VPS13B: variants seen among roughly 807,000 people sequenced by gnomAD.
VPS13B encodes intermembrane lipid transfer protein VPS13B.
VPS13B carries 285 observed loss-of-function variants against 426.4 expected under a neutral mutation model. The ratio of observed to expected loss-of-function variants is 0.67; its 90% CI spans 0.61 to 0.74. The LOEUF is 0.74. VPS13B is among the 30% of genes least tolerant of loss of function. The probability of loss-of-function intolerance (pLI) is 0.00; values close to 1 mark genes in which losing one functional copy is unlikely to be tolerated. For missense variants in VPS13B, 4,537 were observed against 4,782.6 expected (o/e 0.95, Z 1.51); for synonymous variants, 1,676 against 1,676.4 (o/e 1.00, Z 0.01).
chr8:99,705,197 A>G (rs760800734), intron 36 of VPS13B, among the ~76,000 whole-genome samples: 2 of 152,116 alleles, frequency 1.3e-5, no homozygotes, highest in Non-Finnish European at 2.9e-5. Flanking sequence ...TGACTATGAT[A>G]TATCTCTGTA....
chr8:99,854,235 G>A lies in VPS13B; in HGVS notation c.10846G>A (p.Ala3616Thr), dbSNP rs149659649. The A allele has an allele frequency of 4.8e-5, 77 of 1,613,780 alleles. No homozygotes were observed. The highest frequency in any genetic ancestry group is 9.9e-5 in the South Asian group (9 of 91,032). Residue 3616 changes from alanine (A) to threonine (T), a missense_variant, in exon 56 of 62, where the codon GCT becomes ACT. Around this residue, in one of 2 missense-constraint regions of VPS13B, gnomAD observed 4,311 missense variants for 4,474.3 expected, o/e 0.96. Transcript: ENST00000357162. ...LVHALAMHYA[A>T]GALFRAGWVV... ...GCACGCCCTGGCAATGCACTATGCC[G>A]CTGGGGCCCTTTTTAGAGCAGGTAA...
intron 30 of VPS13B, chr8:99,536,690 C>T (rs780547059): frequency 1.9e-6 from 1 of 534,422 alleles, no homozygotes; most frequent in Non-Finnish European, 3.8e-6. Context: ...AATCCCTGTC[C>T]CATGTCAGCT....
chr8:99,057,465 C>T (rs574981446), intron 3 of VPS13B, among the ~76,000 whole-genome samples: 1 of 152,086 alleles, frequency 6.6e-6, no homozygotes, highest in African/African-American at 2.4e-5. Context: ...GTCTCTGGCT[C>T]CTGTTGTTAC....
intron 31 of VPS13B, among the ~76,000 whole-genome samples, chr8:99,574,138 G>T (rs1419942706): frequency 3.9e-5 from 6 of 152,076 alleles, no homozygotes; most frequent in Admixed American, 3.9e-4. Context: ...TGTGATTTTT[G>T]CACATTGATT....
At chr8:99,364,324 A>G (rs1220868660) in intron 19 of VPS13B, among the ~76,000 whole-genome samples, 1 of 152,170 alleles carries the variant, frequency 6.6e-6, no homozygotes, top group Non-Finnish European at 1.5e-5. Flanking sequence ...CTTGGTCATG[A>G]TGAATGTTTT....
intron 29 of VPS13B, among the ~76,000 whole-genome samples, chr8:99,513,000 C>T (rs1227070688): frequency 1.4e-5 from 2 of 144,912 alleles, no homozygotes; most frequent in Admixed American, 7.0e-5. Context: ...CAGAGCAAGA[C>T]GCCATCTCAA....
At chr8:99,458,528 C>G (rs1485965996) in intron 23 of VPS13B, among the ~76,000 whole-genome samples, 1 of 152,016 alleles carries the variant, frequency 6.6e-6, no homozygotes, top group Non-Finnish European at 1.5e-5. Flanking sequence ...AGTTTACAGT[C>G]CCACCAACAG....
intron 40 of VPS13B, among the ~76,000 whole-genome samples, chr8:99,773,249 G>A (rs1447157456): frequency 1.3e-5 from 2 of 152,128 alleles, no homozygotes; most frequent in Admixed American, 6.5e-5. Context: ...TGATAGCAGC[G>A]CATACATTAT....
chr8:99,219,926 G>C (rs1369054604), intron 17 of VPS13B, among the ~76,000 whole-genome samples: 1 of 152,164 alleles, frequency 6.6e-6, no homozygotes, highest in African/African-American at 2.4e-5. Context: ...CATTTGACCA[G>C]GGGCAGCTAC....
At chr8:99,213,134 CTGGGTAATATGGCG>C (rs1815192219) in intron 17 of VPS13B, among the ~76,000 whole-genome samples, 1 of 152,104 alleles carries the variant, frequency 6.6e-6, no homozygotes, top group South Asian at 2.1e-4. Context: ...TTAATTCTAG[CTGGGTAATATGGCG>C]TGTGTTTTTT....
At chr8:99,199,609 T>G (rs996786259) in intron 17 of VPS13B, among the ~76,000 whole-genome samples, 2 of 152,200 alleles carry the variant, frequency 1.3e-5, no homozygotes, top group African/African-American at 4.8e-5. Context: ...AGTTTTTTCC[T>G]GTGTATGGCT....
At chr8:99,651,085 C>A (rs1334032219) in intron 34 of VPS13B, among the ~76,000 whole-genome samples, 3 of 152,114 alleles carry the variant, frequency 2.0e-5, no homozygotes, top group African/African-American at 7.2e-5. Flanking sequence ...ATGGTATCCA[C>A]AGGAGGTCTT....
chr8:99,180,436 A>G (rs546486607), intron 16 of VPS13B, among the ~76,000 whole-genome samples: 1 of 152,328 alleles, frequency 6.6e-6, no homozygotes, highest in African/African-American at 2.4e-5. Context: ...CATGGAGCCA[A>G]TATTCTGAAG....
chr8:99,432,403 T>C (rs935844807), intron 22 of VPS13B, among the ~76,000 whole-genome samples: 10 of 151,974 alleles, frequency 6.6e-5, no homozygotes, highest in African/African-American at 2.2e-4. Flanking sequence ...GAGAACAAGG[T>C]TTTGTGATCT....
At chr8:99,443,660 TA>T (rs909990892) in intron 23 of VPS13B, among the ~76,000 whole-genome samples, 4 of 152,222 alleles carry the variant, frequency 2.6e-5, no homozygotes, top group Admixed American at 1.3e-4. Flanking sequence ...TTGTTGTTTT[TA>T]TGGCTGAATA....
At chr8:99,786,203 G>A (rs944869280) in intron 43 of VPS13B, among the ~76,000 whole-genome samples, 10 of 152,094 alleles carry the variant, frequency 6.6e-5, no homozygotes, top group African/African-American at 2.2e-4. Flanking sequence ...GACAACCACT[G>A]TCACCAGCAC....
At chr8:99,275,289 C>CTTTTTTTTT (rs11332378) in intron 19 of VPS13B, 35 bp downstream of exon 19, 2 of 1,195,732 alleles carry the variant, frequency 1.7e-6, no homozygotes, top group Non-Finnish European at 2.2e-6. Flanking sequence ...CCTTGTTTTG[C>CTTTTTTTTT]TTTTTTTTTT....
intron 21 of VPS13B, among the ~76,000 whole-genome samples, chr8:99,395,824 A>G (rs1424747273): frequency 2.0e-5 from 3 of 152,244 alleles, no homozygotes; most frequent in African/African-American, 7.2e-5. Flanking sequence ...TTAAATACCT[A>G]TATGTTAAAA....
chr8:99,611,442 T>C (rs1019127856), intron 33 of VPS13B, among the ~76,000 whole-genome samples: 1 of 152,142 alleles, frequency 6.6e-6, no homozygotes, highest in Non-Finnish European at 1.5e-5. Flanking sequence ...ATAATACTTA[T>C]TGACTGCTTG....
Sources: gnomAD v4.1 joint callset for allele counts (sites outside exome capture counted in the v4.1 genomes callset) on GRCh38, gnomAD v4.1.1 for gene constraint, gnomAD v4.1.1 regional missense constraint, MANE v1.5 for transcripts, NCBI Gene and HGNC (gene_info 2026-07-23, HGNC 2026-07-21) for gene names.